Variants in THSD4 observed in about 807,000 individuals in gnomAD.
THSD4 encodes the protein thrombospondin type 1 domain containing 4, also known as thrombospondin type-1 domain-containing protein 4.
THSD4 carries 69 observed loss-of-function variants against 119.0 expected under a neutral mutation model. That is an observed-to-expected ratio of 0.58 (90% CI 0.48 to 0.71). The LOEUF is 0.71. THSD4 is among the 30% of genes least tolerant of loss of function. The pLI is 0.00. For synonymous variants in THSD4, 524 were observed against 540.4 expected, an observed-to-expected ratio of 0.97 and a Z score of 0.42; for missense variants, 1,393 against 1,391.1, an observed-to-expected ratio of 1.00 and a Z score of -0.02.
At chr15:71,382,494 T>C (rs893195294) in intron 6 of THSD4, among the ~76,000 whole-genome samples, 21 of 152,170 alleles carry the variant, frequency 1.4e-4, no homozygotes, top group African/African-American at 4.6e-4. Flanking sequence ...CTACATCTTA[T>C]CCATTTAGTT....
chr15:71,514,694 ACCT>A (rs1409592618), intron 7 of THSD4, among the ~76,000 whole-genome samples: 2 of 152,000 alleles, frequency 1.3e-5, no homozygotes, highest in African/African-American at 4.8e-5. Context: ...AAAAAATAAA[ACCT>A]CCTATGGTCT....
At chr15:71,359,356 T>C (rs2045863169) in intron 6 of THSD4, among the ~76,000 whole-genome samples, 1 of 152,222 alleles carries the variant, frequency 6.6e-6, no homozygotes, top group African/African-American at 2.4e-5. Context: ...TACCTTCTAT[T>C]TAGCAAAAAC....
intron 7 of THSD4, among the ~76,000 whole-genome samples, chr15:71,497,047 C>A (rs1372960633): frequency 6.6e-6 from 1 of 152,186 alleles, no homozygotes; most frequent in Non-Finnish European, 1.5e-5. Flanking sequence ...CCAGCACTGC[C>A]ATTGCATTCC....
chr15:71,447,095 G>GCC (rs1459231427), intron 7 of THSD4, among the ~76,000 whole-genome samples: 1 of 143,948 alleles, frequency 6.9e-6, no homozygotes, highest in East Asian at 2.0e-4. Flanking sequence ...GTCCTCTGTT[G>GCC]CCCTCTTCCC....
intron 6 of THSD4, among the ~76,000 whole-genome samples, chr15:71,329,663 G>A (rs1164042608): frequency 6.6e-6 from 1 of 152,168 alleles, no homozygotes; most frequent in African/African-American, 2.4e-5. Flanking sequence ...TGTGTGCCCT[G>A]CCCTTGTAAG....
At chr15:71,662,545 G>C (rs979792782) in intron 8 of THSD4, among the ~76,000 whole-genome samples, 1 of 152,182 alleles carries the variant, frequency 6.6e-6, no homozygotes, top group Non-Finnish European at 1.5e-5. Flanking sequence ...GTGTTCAGAT[G>C]TACCGGCAAA....
intron 7 of THSD4, among the ~76,000 whole-genome samples, chr15:71,625,126 C>T (rs1185361263): frequency 6.6e-6 from 1 of 152,108 alleles, no homozygotes; most frequent in Non-Finnish European, 1.5e-5. Context: ...CCTGCCTCAG[C>T]CTCCCAAGTA....
chr15:71,262,350 T>C (rs970648112), intron 6 of THSD4, among the ~76,000 whole-genome samples: 3 of 152,130 alleles, frequency 2.0e-5, no homozygotes, highest in African/African-American at 7.2e-5. Context: ...AGGACAGTGA[T>C]AGTTTATGCC....
chr15:71,592,627 C>T lies in THSD4; in HGVS notation c.1153-67903C>T, dbSNP rs531280645. Among the ~76,000 whole-genome samples the T allele has an allele frequency of 7.6e-4, 116 of 151,870 alleles. 1 individual carries two copies. The highest frequency in any genetic ancestry group is 3.6e-3 in the Admixed American group (55 of 15,280). On this transcript the variant is annotated intron_variant, in intron 7 of 17. Transcript: ENST00000261862. ...GTGAATACACTGTGGGCTGGATTCACTTTTATAGATAGGTCTGGGAACCCA... is the reference window on the plus strand; with the variant it reads ...GTGAATACACTGTGGGCTGGATTCATTTTTATAGATAGGTCTGGGAACCCA...
intron 6 of THSD4, among the ~76,000 whole-genome samples, chr15:71,293,886 G>A (rs2044826562): frequency 6.6e-6 from 1 of 152,072 alleles, no homozygotes; most frequent in Non-Finnish European, 1.5e-5. Context: ...CCTGGGAGGT[G>A]CACATGAAAC....
chr15:71,255,916 A>G (rs1248821342), intron 5 of THSD4, among the ~76,000 whole-genome samples: 1 of 152,248 alleles, frequency 6.6e-6, no homozygotes, highest in Non-Finnish European at 1.5e-5. Flanking sequence ...GGGGAATGGC[A>G]TGAACAAAGT....
At chr15:71,605,202 A>C (rs183433454) in intron 7 of THSD4, among the ~76,000 whole-genome samples, 1 of 152,338 alleles carries the variant, frequency 6.6e-6, no homozygotes, top group East Asian at 1.9e-4. Context: ...CCTGAAGTTG[A>C]CAGGGACCAG....
chr15:71,698,834 C>T lies in THSD4; in HGVS notation c.1358-29715C>T, dbSNP rs191504364. 3.3e-5 allele frequency among the ~76,000 whole-genome samples: 5 copies of T among 151,892 alleles called. No homozygotes were observed. In the East Asian group the frequency reaches 9.8e-4, roughly 30 times the overall value. ...GCCAGGCACAGAAAGATGAATATTA[C>T]ATGATACCACTTATATGAGGAATCT... On this transcript the variant is annotated intron_variant, in intron 8 of 17. Transcript: ENST00000261862.
chr15:71,325,790 G>T (rs376045685), intron 6 of THSD4, among the ~76,000 whole-genome samples: 1 of 152,076 alleles, frequency 6.6e-6, no homozygotes, highest in Non-Finnish European at 1.5e-5. Context: ...TGACTTTTAT[G>T]TATGACACTA....
At chr15:71,262,261 A>G (rs577732119) in intron 6 of THSD4, among the ~76,000 whole-genome samples, 4 of 152,116 alleles carry the variant, frequency 2.6e-5, no homozygotes, top group Admixed American at 6.6e-5. Context: ...GCCTCCAGGA[A>G]TTTTTCTCAT....
chr15:71,682,271 G>C (rs912368426), intron 8 of THSD4, among the ~76,000 whole-genome samples: 1 of 152,224 alleles, frequency 6.6e-6, no homozygotes, highest in Non-Finnish European at 1.5e-5. Flanking sequence ...TTATTTGTTG[G>C]ATAAGCTTTT....
At chr15:71,501,899 C>T (rs111409158) in intron 7 of THSD4, among the ~76,000 whole-genome samples, 2,123 of 152,272 alleles carry the variant, frequency 0.014, 18 homozygotes, top group Middle Eastern at 0.051. Flanking sequence ...CTATTTAGTG[C>T]ATGTTACATA....
At chr15:71,237,397 A>C (rs1334676376) in intron 4 of THSD4, among the ~76,000 whole-genome samples, 1 of 152,134 alleles carries the variant, frequency 6.6e-6, no homozygotes, top group East Asian at 1.9e-4. Context: ...TGCTTGTTCA[A>C]GTTTAAGGAC....
intron 6 of THSD4, among the ~76,000 whole-genome samples, chr15:71,359,687 G>A (rs935090539): frequency 1.3e-5 from 2 of 152,192 alleles, no homozygotes; most frequent in Non-Finnish European, 2.9e-5. Flanking sequence ...GTGTGCACCT[G>A]TAGTCTCAGC....
Sources: gnomAD v4.1 joint callset for allele counts (sites outside exome capture counted in the v4.1 genomes callset) on GRCh38, gnomAD v4.1.1 for gene constraint, MANE v1.5 for transcripts, NCBI Gene and HGNC (gene_info 2026-07-23, HGNC 2026-07-21) for gene names.